Variants in LIPC observed in about 807,000 individuals in gnomAD.
The protein encoded by LIPC is lipase C, hepatic type, also known as hepatic triacylglycerol lipase.
In LIPC, 44 loss-of-function variants were observed where a neutral mutation model predicts 50.7. The observed-to-expected ratio is 0.87, with a 90% CI of 0.68 to 1.11. The LOEUF (loss-of-function observed/expected upper bound fraction) is 1.11. Among genes scored for constraint, LIPC ranks in the 50% most tolerant of loss-of-function variants. The probability of loss-of-function intolerance (pLI) is 0.00; values close to 1 mark genes in which losing one functional copy is unlikely to be tolerated. For synonymous variants in LIPC, 271 were observed against 256.4 expected, an observed-to-expected ratio of 1.06 and a Z score of -0.54; for missense variants, 697 against 648.2, an observed-to-expected ratio of 1.08 and a Z score of -0.82.
intron 1 of LIPC, among the ~76,000 whole-genome samples, chr15:58,487,108 G>A (rs1388749672): frequency 6.6e-6 from 1 of 152,114 alleles, no homozygotes; most frequent in African/African-American, 2.4e-5. Flanking sequence ...CCTTTATCTG[G>A]TAATCAACTG....
At chr15:58,519,304 G>A (rs1015771711) in intron 1 of LIPC, among the ~76,000 whole-genome samples, 3 of 151,872 alleles carry the variant, frequency 2.0e-5, no homozygotes, top group East Asian at 1.9e-4. Context: ...CCAGCTACTC[G>A]GGAGGCCAAA....
chr15:58,443,325 G>A (rs1369749743), intron 1 of LIPC, among the ~76,000 whole-genome samples: 4 of 152,164 alleles, frequency 2.6e-5, no homozygotes, highest in Non-Finnish European at 4.4e-5. Context: ...TGATGGCCAG[G>A]AGCAGCCTCA....
chr15:58,511,442 G>A (rs560153521), intron 1 of LIPC, among the ~76,000 whole-genome samples: 6 of 152,190 alleles, frequency 3.9e-5, no homozygotes, highest in South Asian at 4.1e-4. Flanking sequence ...TTACCCATAC[G>A]TGGGGCTCTC....
chr15:58,474,816 C>G (rs772825868), intron 1 of LIPC, among the ~76,000 whole-genome samples: 4 of 152,166 alleles, frequency 2.6e-5, no homozygotes, highest in Non-Finnish European at 5.9e-5. Flanking sequence ...CCCAGCTGCC[C>G]CTGGCTTCTC....
chr15:58,519,746 C>T (rs1892597087), intron 1 of LIPC, among the ~76,000 whole-genome samples: 1 of 152,196 alleles, frequency 6.6e-6, no homozygotes, highest in Non-Finnish European at 1.5e-5. Flanking sequence ...TGTATTGTGT[C>T]TCCTCCGGAG....
Position 58,542,081 on chromosome 15 carries a change from T to TCAGCTCACAGGAATGAGAAGGCA in LIPC, c.456+118_456+140dup, listed in dbSNP as rs1338499011. 4 of 1,217,740 alleles carry TCAGCTCACAGGAATGAGAAGGCA rather than the reference T, an allele frequency of 3.3e-6. No homozygotes were observed. In the African/African-American group the frequency reaches 4.5e-5, roughly 14 times the overall value. 75.4% of individuals were successfully genotyped at this position (1,217,740 alleles called of 1,614,324 possible). A position where few individuals can be genotyped will look rare whatever the true frequency, so the allele number is the denominator to read the frequency against. On this transcript the variant is annotated intron_variant, in intron 3 of 8. Transcript: ENST00000299022. ...GCCCAGGCAGGAGAAGCACTAATGC[T>TCAGCTCACAGGAATGAGAAGGCA]CAGCTCACAGGAATGAGAAGGCACA...
intron 1 of LIPC, among the ~76,000 whole-genome samples, chr15:58,453,193 G>C (rs533270939): frequency 2.6e-5 from 4 of 152,200 alleles, no homozygotes; most frequent in African/African-American, 9.6e-5. Context: ...TCTTCAGATG[G>C]CTAAAACAGG....
At chr15:58,560,767 C>T (rs140777851) in intron 6 of LIPC, 97 bp from the exon 7 acceptor site, 12 of 691,292 alleles carry the variant, frequency 1.7e-5, no homozygotes, top group Non-Finnish European at 3.2e-5. Flanking sequence ...CCAAACTCTT[C>T]CCTCTGCATG....
intron 5 of LIPC, among the ~76,000 whole-genome samples, chr15:58,547,599 AT>A (rs1216432443): frequency 6.6e-6 from 1 of 151,010 alleles, no homozygotes; most frequent in Non-Finnish European, 1.5e-5. Flanking sequence ...CTTGAGAATT[AT>A]TTACCACAGA....
intron 1 of LIPC, among the ~76,000 whole-genome samples, chr15:58,489,329 C>T (rs1891498624): frequency 6.7e-6 from 1 of 150,240 alleles, no homozygotes; most frequent in Non-Finnish European, 1.5e-5. Flanking sequence ...AAAACCAGTT[C>T]ACCAAGACCA....
chr15:58,478,269 C>A (rs747958992), intron 1 of LIPC, among the ~76,000 whole-genome samples: 1 of 152,144 alleles, frequency 6.6e-6, no homozygotes, highest in African/African-American at 2.4e-5. Context: ...GAGACAGTCA[C>A]GCTCCATCAC....
chr15:58,561,005 AG>A (rs773797124), intron 7 of LIPC, 24 bp downstream of exon 7: 1 of 938,974 alleles, frequency 1.1e-6, no homozygotes, highest in Non-Finnish European at 1.6e-6. Context: ...GTAGCCCCCT[AG>A]GGTGATGACA....
chr15:58,518,861 G>C (rs11629983), intron 1 of LIPC, among the ~76,000 whole-genome samples: 14,170 of 151,956 alleles, frequency 0.093, 840 homozygotes, highest in Non-Finnish European at 0.14. Context: ...CTGCCTTGAT[G>C]GTGGTGGTGG....
rs150446650 is a variant in LIPC, at chr15:58,544,100, G to A, written c.574+1449G>A. ...TCTTGCTGGTCACTGGGGAAGCCTG[G>A]TCACAGACCGGCGTGTGGCCCCCAT... On this transcript the variant is annotated intron_variant, in intron 4 of 8. Transcript: ENST00000299022. Among the ~76,000 whole-genome samples the A allele has an allele frequency of 5.6e-3, 854 of 152,284 alleles. 7 individuals are homozygous for A. Among genetic ancestry groups the A allele is most frequent in the African/African-American group, 0.02 (824 of 41,560 alleles).
At chr15:58,536,579 A>G (rs1893130694) in intron 1 of LIPC, among the ~76,000 whole-genome samples, 1 of 152,144 alleles carries the variant, frequency 6.6e-6, no homozygotes, top group African/African-American at 2.4e-5. Flanking sequence ...ATAGCAGTGC[A>G]AGGTGACACC....
chr15:58,514,414 G>A (rs1223651041), intron 1 of LIPC, among the ~76,000 whole-genome samples: 1 of 152,182 alleles, frequency 6.6e-6, no homozygotes, highest in Non-Finnish European at 1.5e-5. Context: ...ATTTCAAATA[G>A]GATTATGCAC....
At chr15:58,554,863 A>G (rs1403047323) in intron 6 of LIPC, among the ~76,000 whole-genome samples, 5 of 152,236 alleles carry the variant, frequency 3.3e-5, no homozygotes, top group Admixed American at 3.3e-4. Flanking sequence ...AAGGGCAGTC[A>G]TGCAAGATTC....
intron 6 of LIPC, among the ~76,000 whole-genome samples, chr15:58,556,545 C>T (rs1255377537): frequency 6.6e-6 from 1 of 152,158 alleles, no homozygotes; most frequent in African/African-American, 2.4e-5. Context: ...CAGAGATAAG[C>T]ACTGTTAATA....
At chr15:58,503,226 T>G (rs1400726805) in intron 1 of LIPC, among the ~76,000 whole-genome samples, 2 of 152,200 alleles carry the variant, frequency 1.3e-5, no homozygotes, top group Non-Finnish European at 2.9e-5. Context: ...ACACAGCCTC[T>G]TAAGTGGTAG....
Sources: allele counts gnomAD v4.1 joint callset (sites outside exome capture counted in the v4.1 genomes callset), GRCh38; gene constraint gnomAD v4.1.1; transcripts MANE v1.5; gene names NCBI Gene and HGNC (gene_info 2026-07-23, HGNC 2026-07-21).